KCNIP4: variants seen among roughly 807,000 people sequenced by gnomAD.
KCNIP4 encodes the protein potassium voltage-gated channel interacting protein 4.
KCNIP4 carries 12 observed loss-of-function variants against 34.0 expected under a neutral mutation model. The observed-to-expected ratio is 0.35, with a 90% CI of 0.23 to 0.57. The LOEUF is 0.57. KCNIP4 is among the 20% of genes least tolerant of loss of function. KCNIP4 has a pLI of 0.83. For missense variants in KCNIP4, 238 were observed against 311.7 expected (o/e 0.76, Z 1.78); for synonymous variants, 124 against 102.2 (o/e 1.21, Z -1.29).
At chr4:21,592,617 T>A (rs1218416037) in intron 1 of KCNIP4, among the ~76,000 whole-genome samples, 1 of 152,108 alleles carries the variant, frequency 6.6e-6, no homozygotes, top group Admixed American at 6.6e-5. Flanking sequence ...AACTCCTGAA[T>A]CCAACCCCAT....
intron 1 of KCNIP4, among the ~76,000 whole-genome samples, chr4:21,102,734 T>C (rs1271553367): frequency 6.6e-6 from 1 of 152,200 alleles, no homozygotes; most frequent in Non-Finnish European, 1.5e-5. Context: ...TACATTTTCT[T>C]TGAGAACAAC....
chr4:21,746,554 T>C (rs1404037311), intron 1 of KCNIP4, among the ~76,000 whole-genome samples: 1 of 150,234 alleles, frequency 6.7e-6, no homozygotes, highest in Non-Finnish European at 1.5e-5. Context: ...TTATAAAAAA[T>C]ATTATACTCA....
intron 3 of KCNIP4, 89 bp downstream of exon 3, chr4:20,850,454 T>A: frequency 7.3e-7 from 1 of 1,364,188 alleles, no homozygotes; most frequent in East Asian, 2.3e-5. Flanking sequence ...GGGGCTCTCA[T>A]AGAATGGGAT....
chr4:21,156,698 A>G (rs929836479), intron 1 of KCNIP4, among the ~76,000 whole-genome samples: 2 of 152,162 alleles, frequency 1.3e-5, no homozygotes, highest in Non-Finnish European at 2.9e-5. Flanking sequence ...GAAATATTCA[A>G]TTTCAGAGCC....
chr4:21,313,129 TC>T (rs1235416332), intron 1 of KCNIP4, among the ~76,000 whole-genome samples: 1 of 152,208 alleles, frequency 6.6e-6, no homozygotes, highest in African/African-American at 2.4e-5. Flanking sequence ...GATGCATAAT[TC>T]ACTTATTATG....
chr4:21,484,470 C>T (rs957935489), intron 1 of KCNIP4, among the ~76,000 whole-genome samples: 3 of 152,054 alleles, frequency 2.0e-5, no homozygotes, highest in African/African-American at 7.2e-5. Flanking sequence ...TCTCATTTGA[C>T]TGTTAATTAC....
At chr4:21,788,561 G>A (rs1487849754) in intron 1 of KCNIP4, among the ~76,000 whole-genome samples, 1 of 150,540 alleles carries the variant, frequency 6.6e-6, no homozygotes, top group Non-Finnish European at 1.5e-5. Flanking sequence ...CAGGTCACCA[G>A]GCATCTCAGA....
chr4:21,668,135 A>C (rs1262861125), intron 1 of KCNIP4, among the ~76,000 whole-genome samples: 1 of 152,224 alleles, frequency 6.6e-6, no homozygotes, highest in Admixed American at 6.5e-5. Context: ...ACAGGAACAG[A>C]AAACCAAACA....
intron 1 of KCNIP4, among the ~76,000 whole-genome samples, chr4:21,191,852 G>A (rs1755670758): frequency 6.6e-6 from 1 of 152,140 alleles, no homozygotes; most frequent in South Asian, 2.1e-4. Context: ...TTGGCACATA[G>A]TTGGCACACA....
intron 1 of KCNIP4, among the ~76,000 whole-genome samples, chr4:21,838,751 G>C (rs1483889869): frequency 6.6e-6 from 1 of 151,946 alleles, no homozygotes; most frequent in Non-Finnish European, 1.5e-5. Context: ...AAACAGTTTG[G>C]GGCTCTGGAT....
chr4:21,425,714 T>C (rs538938971), intron 1 of KCNIP4, among the ~76,000 whole-genome samples: 1 of 152,180 alleles, frequency 6.6e-6, no homozygotes, highest in South Asian at 2.1e-4. Context: ...CTCTTGTGAA[T>C]GTCAAACACA....
At chr4:21,395,483 C>G (rs952991392) in intron 1 of KCNIP4, among the ~76,000 whole-genome samples, 4 of 152,022 alleles carry the variant, frequency 2.6e-5, no homozygotes, top group Non-Finnish European at 5.9e-5. Flanking sequence ...ACCTTAGTCA[C>G]CTAGCTAGCT....
At chr4:21,477,035 C>T (rs17464793) in intron 1 of KCNIP4, among the ~76,000 whole-genome samples, 19,008 of 152,114 alleles carry the variant, frequency 0.12, 1,357 homozygotes, top group South Asian at 0.22. Flanking sequence ...TTGTTACCAG[C>T]GGTTTCTCGC....
chr4:20,888,790 A>C (rs1560544836), intron 1 of KCNIP4, among the ~76,000 whole-genome samples: 1 of 152,204 alleles, frequency 6.6e-6, no homozygotes, highest in East Asian at 1.9e-4. Flanking sequence ...TCTCCAAATT[A>C]AGGGCCTGGC....
At chr4:21,128,067 A>T (rs904356487) in intron 1 of KCNIP4, among the ~76,000 whole-genome samples, 2 of 152,224 alleles carry the variant, frequency 1.3e-5, no homozygotes, top group Admixed American at 6.5e-5. Flanking sequence ...CCTGTTAAAC[A>T]TTGACCTTCA....
intron 1 of KCNIP4, among the ~76,000 whole-genome samples, chr4:21,558,585 A>G (rs1739266459): frequency 6.6e-6 from 1 of 152,144 alleles, no homozygotes; most frequent in Admixed American, 6.5e-5. Flanking sequence ...AAAGAAATTG[A>G]AATTATACAT....
intron 1 of KCNIP4, chr4:21,849,108 C>T (rs562797426): frequency 6.6e-6 from 1 of 152,156 alleles, no homozygotes; most frequent in South Asian, 2.1e-4. Flanking sequence ...GTCTACCTGC[C>T]GGTCTCAGTT....
chr4:21,196,483 C>A (rs1324267140), intron 1 of KCNIP4, among the ~76,000 whole-genome samples: 3 of 152,164 alleles, frequency 2.0e-5, no homozygotes, highest in Admixed American at 1.3e-4. Context: ...TTACACCATG[C>A]AGATGCCTCA....
In KCNIP4 at chr4:21,108,614, CATCCAGCTTTGTTCCAT is replaced by C. The variant is rs1370938604; in HGVS notation, c.62-225922_62-225906del. Among the ~76,000 whole-genome samples the C allele has an allele frequency of 8.6e-5, 13 of 151,884 alleles. No individual in the cohort carries two copies. The East Asian group carries it at 2.5e-3, about 29-fold the overall frequency. ...CTCTCAACTTATCAAAGTCATTCTC[CATCCAGCTTTGTTCCAT>C]TGCTGGTGAGGAACTGCGTTCCTTT... On this transcript the variant is annotated intron_variant, in intron 1 of 8. Transcript: ENST00000382152.
Sources: gnomAD v4.1 joint callset for allele counts (sites outside exome capture counted in the v4.1 genomes callset) on GRCh38, gnomAD v4.1.1 for gene constraint, MANE v1.5 for transcripts, NCBI Gene and HGNC (gene_info 2026-07-23, HGNC 2026-07-21) for gene names.